The following PRKAR1B variants were observed in gnomAD, a reference collection of about 807,000 sequenced individuals.
The protein encoded by PRKAR1B is cAMP-dependent protein kinase type I-beta regulatory subunit.
PRKAR1B carries 22 observed loss-of-function variants against 46.5 expected under a neutral mutation model. The observed-to-expected ratio is 0.47, with a 90% CI of 0.34 to 0.68. The LOEUF (loss-of-function observed/expected upper bound fraction) is 0.68, where lower values mean the gene tolerates loss of function less well. Among genes scored for constraint, PRKAR1B ranks in the 30% least tolerant of loss-of-function variants. The pLI is 0.01. For synonymous variants in PRKAR1B, 259 were observed against 217.7 expected (o/e 1.19, Z -1.67); for missense variants, 445 against 535.6 (o/e 0.83, Z 1.67).
intron 4 of PRKAR1B, among the ~76,000 whole-genome samples, chr7:636,566 C>T (rs1784119596): frequency 6.6e-6 from 1 of 152,216 alleles, no homozygotes; most frequent in South Asian, 2.1e-4. Context: ...TCCTGCCCCA[C>T]CCAGAATGGT....
At chr7:701,766 T>C (rs764262530) in intron 2 of PRKAR1B, among the ~76,000 whole-genome samples, 36 of 152,316 alleles carry the variant, frequency 2.4e-4, no homozygotes, top group Non-Finnish European at 4.6e-4. Context: ...TCTGTAAACA[T>C]GTCCTTGTCC....
intron 2 of PRKAR1B, among the ~76,000 whole-genome samples, chr7:693,569 T>C (rs116063823): frequency 0.033 from 5,092 of 152,278 alleles, 316 homozygotes; most frequent in African/African-American, 0.12. Context: ...CGCGCTGTGC[T>C]GCGTGTCAGG....
chr7:590,576 G>T (rs890135856), intron 7 of PRKAR1B, among the ~76,000 whole-genome samples: 3 of 152,232 alleles, frequency 2.0e-5, no homozygotes, highest in Admixed American at 2.0e-4. Context: ...CGCAGGAGAT[G>T]CAGGTGGGAA....
At position 579,478 on chromosome 7, in the gene PRKAR1B, G is replaced by A. The variant is rs1780059120; in HGVS notation, c.770-101C>T. ...CTCTTCCCGAAAGGTGTCCTCAGAA[G>A]CAATCACAACACCAGCTCCGTGACC... On this transcript the variant is annotated intron_variant, in intron 8 of 10. Coordinates refer to ENST00000537384, the MANE Select transcript of PRKAR1B (RefSeq NM_001164760.2). The A allele has an allele frequency of 3.4e-6, 5 of 1,463,426 alleles. No homozygotes were observed. The South Asian group carries it at 5.0e-5, about 15-fold the overall frequency. 90.7% of individuals were successfully genotyped at this position (1,463,426 alleles called of 1,614,324 possible).
rs201266818 is a variant in PRKAR1B at position 606,214 on chromosome 7, G to A, written c.528C>T (p.Val176=). The change falls in exon 6 of 11, where the codon GTC becomes GTT. Residue 176 remains valine, a synonymous_variant. Coordinates refer to ENST00000537384, the MANE Select transcript of PRKAR1B (RefSeq NM_001164760.2). The stretch of plus-strand genomic sequence containing the variant: ...TCACATCCACTTCCCCTTGATCAAC[G>A]ACATAGAAGTTGTCTCCTTCATTCC... ...QQGNEGDNFY[V]VDQGEVDVYV... is the part of the protein sequence containing the mutation. 8.7e-5 allele frequency: 140 copies of A among 1,613,888 alleles called. No individual in the cohort carries two copies. The highest frequency in any genetic ancestry group is 3.0e-4 in the Admixed American group (18 of 60,004).
intron 2 of PRKAR1B, among the ~76,000 whole-genome samples, chr7:698,349 T>C (rs902931484): frequency 9.9e-5 from 15 of 152,100 alleles, no homozygotes; most frequent in African/African-American, 2.9e-4. Context: ...CAGGAGGGTG[T>C]GAGCACAGGC....
chr7:579,102 ACCAC>A lies in PRKAR1B; in HGVS notation c.891+150_891+153del, dbSNP rs1042925788. ...CAGTGGCAGGAATGTGAGGCCACAG[ACCAC>A]CCACCCCATGGAGGCCCCGGACGGG... On this transcript the variant is annotated intron_variant, in intron 9 of 10. Coordinates refer to ENST00000537384, the MANE Select transcript of PRKAR1B (RefSeq NM_001164760.2). 6 of 985,446 alleles carry A rather than the reference ACCAC, an allele frequency of 6.1e-6. No individual in the cohort carries two copies. In the African/African-American group the frequency reaches 1.0e-4, roughly 17 times the overall value. The allele number at this position is 985,446 out of a possible 1,614,324, so 61.0% of individuals were successfully genotyped here. A position where few individuals can be genotyped will look rare whatever the true frequency, so the allele number is the denominator to read the frequency against.
rs762351800 is a variant in PRKAR1B at position 680,624 on chromosome 7, G to A, written c.280C>T (p.Arg94Cys). The change falls in exon 3 of 11, where the codon CGC becomes TGC. Residue 94 changes from arginine (R) to cysteine (C), a missense_variant. Physicochemically the swap from Arg to Cys is radical, Grantham distance 180 (BLOSUM62 -3). Around this residue, in one of 5 missense-constraint regions of PRKAR1B, gnomAD observed 155 missense variants for 127.5 expected, o/e 1.22. Coordinates refer to ENST00000537384, the MANE Select transcript of PRKAR1B (RefSeq NM_001164760.2). The stretch of plus-strand genomic sequence containing the variant: ...GCACTCACGCCTCCTCGCCGGCGGC[G>A]GGCCTTCACCACAGGGTTCGGGGGG... ...PTPPNPVVKA[R>C]RRRGGVSAEV... 71 of 1,613,124 alleles carry A rather than the reference G, an allele frequency of 4.4e-5. No homozygotes were observed. Among genetic ancestry groups the A allele is most frequent in the South Asian group, 3.3e-5 (3 of 91,070 alleles).
rs541894918 is a variant in PRKAR1B at position 634,667 on chromosome 7, T to C, written c.441-27215A>G. On this transcript the variant is annotated intron_variant, in intron 4 of 10. Transcript: ENST00000537384. ...TGTTTTTTTTTTTTTTAAGGTGGAG[T>C]CTCGCTCTTTCACCCAGGCTAGAGT... Among the ~76,000 whole-genome samples, 229 of 149,354 alleles carry C rather than the reference T, an allele frequency of 1.5e-3. 2 individuals carry two copies. The highest frequency in any genetic ancestry group is 5.4e-3 in the African/African-American group (217 of 40,516).
chr7:674,465 C>A (rs930336665), intron 4 of PRKAR1B, among the ~76,000 whole-genome samples: 1 of 150,050 alleles, frequency 6.7e-6, no homozygotes, highest in Non-Finnish European at 1.5e-5. Flanking sequence ...TCCAGCTACT[C>A]CAACCAAACC....
chr7:566,145 A>G (rs1779111235), intron 9 of PRKAR1B, among the ~76,000 whole-genome samples: 1 of 152,222 alleles, frequency 6.6e-6, no homozygotes, highest in South Asian at 2.1e-4. Flanking sequence ...TGCCACCTTT[A>G]TCATTACCAT....
chr7:562,947 G>A (rs939515032), intron 9 of PRKAR1B, among the ~76,000 whole-genome samples: 2 of 152,182 alleles, frequency 1.3e-5, no homozygotes, highest in African/African-American at 4.8e-5. Context: ...CTCAATCTTT[G>A]GATGAACAGA....
At chr7:712,945 T>TGGCCAG (rs1345895655) in intron 1 of PRKAR1B, 1 of 152,188 alleles carries the variant, frequency 6.6e-6, no homozygotes, top group Non-Finnish European at 1.5e-5. Context: ...CCAGAGAGGG[T>TGGCCAG]GGCCAGGTGG....
Position 663,305 on chromosome 7 carries a change from C to A in PRKAR1B, c.440+13924G>T, listed in dbSNP as rs991274887. Among the ~76,000 whole-genome samples, 4 of 152,228 alleles carry A rather than the reference C, an allele frequency of 2.6e-5. No individual in the cohort carries two copies. The East Asian group carries it at 7.7e-4, about 29-fold the overall frequency. ...GAGGAGTGGTGCAATCACAGCTCAC[C>A]GTAGCTTCAACCTCCCAGCCTCAAG... On this transcript the variant is annotated intron_variant, in intron 4 of 10. Coordinates refer to ENST00000537384, the MANE Select transcript of PRKAR1B (RefSeq NM_001164760.2).
At position 561,078 on chromosome 7, in the gene PRKAR1B, A is replaced by G. The variant is rs149094914; in HGVS notation, c.892-9608T>C. Among the ~76,000 whole-genome samples, 507 of 152,188 alleles carry G rather than the reference A, an allele frequency of 3.3e-3. 1 individual carries two copies. Among genetic ancestry groups the G allele is most frequent in the African/African-American group, 0.011 (438 of 41,514 alleles). On this transcript the variant is annotated intron_variant, in intron 9 of 10. Coordinates refer to ENST00000537384, the MANE Select transcript of PRKAR1B (RefSeq NM_001164760.2). ...TATTTGTGCACGCAAACACCTGCGC[A>G]CACACACACTGGTACGTGCATACAT...
intron 4 of PRKAR1B, among the ~76,000 whole-genome samples, chr7:653,865 ACATCACCATCATCACCTT>A (rs1025232146): frequency 1.2e-4 from 18 of 151,084 alleles, no homozygotes; most frequent in Non-Finnish European, 1.8e-4. Context: ...ATCATCACCA[ACATCACCATCATCACCTT>A]CATCACCATC....
intron 2 of PRKAR1B, among the ~76,000 whole-genome samples, chr7:698,888 T>C (rs114291884): frequency 0.042 from 6,394 of 152,130 alleles, 425 homozygotes; most frequent in African/African-American, 0.13. Context: ...GGCGGCTGTC[T>C]CCCCACCCCA....
At chr7:642,451 C>T (rs536332690) in intron 4 of PRKAR1B, among the ~76,000 whole-genome samples, 8 of 152,266 alleles carry the variant, frequency 5.3e-5, no homozygotes, top group African/African-American at 1.4e-4. Context: ...CTCGGCCGGG[C>T]GCGGTGGCTC....
chr7:596,159 C>T lies in PRKAR1B; in HGVS notation c.695G>A (p.Arg232Gln), dbSNP rs200069843. The T allele has an allele frequency of 2.3e-4, 378 of 1,613,580 alleles. No homozygotes were observed. The highest frequency in any genetic ancestry group is 4.7e-4 in the Admixed American group (28 of 60,008). ...KLWGIDRDSY[R>Q]RILMGSTLRK... Reference sequence around the variant, plus strand: ...GCACCAACTCACCATAAGGATGCGCCGGTAGCTGTCCCGGTCGATCCCCCA... The same window carrying T: ...GCACCAACTCACCATAAGGATGCGCTGGTAGCTGTCCCGGTCGATCCCCCA... Residue 232 changes from arginine to glutamine, a missense_variant, in exon 7 of 11, where the codon CGG (arginine) becomes CAG (glutamine). Physicochemically the swap from Arg to Gln is conservative, Grantham distance 43. Coordinates refer to ENST00000537384, the MANE Select transcript of PRKAR1B (RefSeq NM_001164760.2).
Sources: gnomAD v4.1 joint callset for allele counts (sites outside exome capture counted in the v4.1 genomes callset) on GRCh38, gnomAD v4.1.1 for gene constraint, gnomAD v4.1.1 regional missense constraint, MANE v1.5 for transcripts, NCBI Gene and HGNC (gene_info 2026-07-23, HGNC 2026-07-21) for gene names.